ADK: variants seen among roughly 807,000 people sequenced by gnomAD.
ADK encodes the protein adenosine kinase.
In ADK, 24 loss-of-function variants were observed where a neutral mutation model predicts 44.7. The observed-to-expected ratio is 0.54, with a 90% CI of 0.39 to 0.76. The LOEUF is 0.76. Ranked by LOEUF, ADK falls within the 30% of genes least tolerant of loss-of-function variation. The probability of loss-of-function intolerance (pLI) is 0.00; values close to 1 mark genes in which losing one functional copy is unlikely to be tolerated. For missense variants in ADK, 321 were observed against 425.1 expected (o/e 0.76, Z 2.15); for synonymous variants, 128 against 142.6 (o/e 0.90, Z 0.73).
intron 6 of ADK, among the ~76,000 whole-genome samples, chr10:74,421,951 C>A (rs1592188510): frequency 6.6e-6 from 1 of 152,158 alleles, no homozygotes; most frequent in Non-Finnish European, 1.5e-5. Context: ...AGAGATAAAT[C>A]TCCCTGACAG....
intron 3 of ADK, among the ~76,000 whole-genome samples, chr10:74,312,882 C>T (rs1327155998): frequency 8.8e-6 from 1 of 113,126 alleles, no homozygotes; most frequent in Non-Finnish European, 1.7e-5. Context: ...CCACTGCACT[C>T]CAGCCTGGAT....
intron 10 of ADK, among the ~76,000 whole-genome samples, chr10:74,679,599 A>G (rs567250355): frequency 6.6e-6 from 1 of 152,118 alleles, no homozygotes; most frequent in Non-Finnish European, 1.5e-5. Flanking sequence ...GCCAGTAAAA[A>G]ATTACTGATG....
intron 9 of ADK, among the ~76,000 whole-genome samples, chr10:74,611,644 C>A (rs1437086096): frequency 1.3e-5 from 2 of 151,436 alleles, no homozygotes; most frequent in Non-Finnish European, 2.9e-5. Context: ...TTTCAACTCA[C>A]CCCCACCCAC....
intron 1 of ADK, among the ~76,000 whole-genome samples, chr10:74,160,535 C>T (rs1841860318): frequency 1.3e-5 from 2 of 152,226 alleles, no homozygotes; most frequent in Non-Finnish European, 2.9e-5. Context: ...AAGCACCGTC[C>T]TGGGCTAAGC....
intron 7 of ADK, among the ~76,000 whole-genome samples, chr10:74,547,947 C>T (rs954857463): frequency 6.6e-5 from 10 of 152,108 alleles, no homozygotes; most frequent in East Asian, 5.8e-4. Flanking sequence ...CGTGAGCCAC[C>T]GCGCCCGGCC....
At chr10:74,688,523 A>G (rs1188984635) in intron 10 of ADK, among the ~76,000 whole-genome samples, 1 of 152,164 alleles carries the variant, frequency 6.6e-6, no homozygotes, top group Non-Finnish European at 1.5e-5. Context: ...CGGTATTTCT[A>G]GGAATTTGGT....
chr10:74,231,169 A>T (rs1049981608), intron 3 of ADK, among the ~76,000 whole-genome samples: 7 of 152,246 alleles, frequency 4.6e-5, no homozygotes, highest in African/African-American at 1.4e-4. Flanking sequence ...AAGGCACTTT[A>T]CATTCTTCTA....
At chr10:74,183,069 C>G (rs2132089567) in intron 1 of ADK, among the ~76,000 whole-genome samples, 1 of 152,208 alleles carries the variant, frequency 6.6e-6, no homozygotes, top group East Asian at 2.0e-4. Context: ...CACTTGTAGT[C>G]CCTACAGTCC....
chr10:74,529,818 G>A (rs946322519), intron 7 of ADK, among the ~76,000 whole-genome samples: 3 of 152,066 alleles, frequency 2.0e-5, no homozygotes, highest in Non-Finnish European at 2.9e-5. Flanking sequence ...CTGTCATTAC[G>A]TGGACTATAG....
chr10:74,194,502 G>A (rs1843054506), intron 1 of ADK, among the ~76,000 whole-genome samples: 2 of 152,260 alleles, frequency 1.3e-5, no homozygotes, highest in South Asian at 4.1e-4. Context: ...TGTCCTTTAA[G>A]TTATGCTTTT....
At chr10:74,180,549 C>T (rs1181271633) in intron 1 of ADK, among the ~76,000 whole-genome samples, 1 of 150,986 alleles carries the variant, frequency 6.6e-6, no homozygotes, top group African/African-American at 2.4e-5. Flanking sequence ...AGCTCCGCCT[C>T]CTGGGTTCAT....
chr10:74,467,018 G>A (rs1846381286), intron 6 of ADK, among the ~76,000 whole-genome samples: 1 of 152,018 alleles, frequency 6.6e-6, no homozygotes, highest in Non-Finnish European at 1.5e-5. Flanking sequence ...TATCTTAAAT[G>A]ACATATTTTA....
At chr10:74,673,603 G>A (rs10430474) in intron 10 of ADK, among the ~76,000 whole-genome samples, 12,229 of 152,186 alleles carry the variant, frequency 0.08, 715 homozygotes, top group African/African-American at 0.13. Flanking sequence ...CAGAGGAAGC[G>A]TTACAGTGCC....
intron 6 of ADK, among the ~76,000 whole-genome samples, chr10:74,514,667 TGTTGA>T (rs1173977122): frequency 9.2e-5 from 14 of 152,326 alleles, no homozygotes; most frequent in Admixed American, 3.3e-4. Context: ...CTCCTGACTT[TGTTGA>T]GTTATCTATC....
At chr10:74,344,979 C>T (rs781228336) in intron 4 of ADK, among the ~76,000 whole-genome samples, 5 of 152,210 alleles carry the variant, frequency 3.3e-5, no homozygotes, top group East Asian at 1.9e-4. Context: ...CACTGCCAGT[C>T]GAGTCTGAGG....
At chr10:74,458,715 C>T (rs555559361) in intron 6 of ADK, among the ~76,000 whole-genome samples, 1 of 152,134 alleles carries the variant, frequency 6.6e-6, no homozygotes, top group East Asian at 1.9e-4. Context: ...TTCACAGCTC[C>T]CAAAACAAAT....
At chr10:74,459,848 G>T (rs1473434902) in intron 6 of ADK, among the ~76,000 whole-genome samples, 1 of 148,720 alleles carries the variant, frequency 6.7e-6, no homozygotes, top group African/African-American at 2.5e-5. Flanking sequence ...TTGCTTAATT[G>T]CCATGCCAAC....
At chr10:74,395,898 C>T (rs138760770) in intron 5 of ADK, among the ~76,000 whole-genome samples, 4 of 152,126 alleles carry the variant, frequency 2.6e-5, no homozygotes, top group Admixed American at 6.5e-5. Flanking sequence ...GTAATCCCAG[C>T]TACTCGGGAG....
intron 6 of ADK, among the ~76,000 whole-genome samples, chr10:74,520,961 T>C (rs1434960688): frequency 6.6e-6 from 1 of 152,140 alleles, no homozygotes; most frequent in East Asian, 1.9e-4. Context: ...CAGACTGAAA[T>C]CCCTAATTAG....
Sources: gnomAD v4.1 joint callset for allele counts (sites outside exome capture counted in the v4.1 genomes callset) on GRCh38, gnomAD v4.1.1 for gene constraint, MANE v1.5 for transcripts, NCBI Gene and HGNC (gene_info 2026-07-23, HGNC 2026-07-21) for gene names.